Variants in DNTTIP1 observed in about 807,000 individuals in gnomAD.
DNTTIP1 encodes deoxynucleotidyltransferase terminal interacting protein 1, also known as deoxynucleotidyltransferase terminal-interacting protein 1.
DNTTIP1 carries 22 observed loss-of-function variants against 52.9 expected under a neutral mutation model. The observed-to-expected ratio is 0.42, with a 90% CI of 0.30 to 0.59. The LOEUF is 0.59. Among genes scored for constraint, DNTTIP1 ranks in the 20% least tolerant of loss-of-function variants. The pLI, the probability that DNTTIP1 is intolerant of heterozygous loss-of-function variation, is 0.22. For synonymous variants in DNTTIP1, 136 were observed against 155.1 expected (o/e 0.88, Z 0.92); for missense variants, 286 against 435.5 (o/e 0.66, Z 3.06).
intron 2 of DNTTIP1, among the ~76,000 whole-genome samples, chr20:45,793,428 G>A (rs1981111708): frequency 6.6e-6 from 1 of 152,084 alleles, no homozygotes; most frequent in South Asian, 2.1e-4. Context: ...GGCCGGGCGC[G>A]GTGGCTCACG....
At chr20:45,800,183 T>C (rs1981380207) in intron 4 of DNTTIP1, among the ~76,000 whole-genome samples, 1 of 151,988 alleles carries the variant, frequency 6.6e-6, no homozygotes, top group South Asian at 2.1e-4. Context: ...CTAATGTATT[T>C]AGTTTGAAAA....
chr20:45,800,410 A>G (rs1981388232), intron 4 of DNTTIP1, among the ~76,000 whole-genome samples: 1 of 151,808 alleles, frequency 6.6e-6, no homozygotes. Flanking sequence ...GTGGTGGCTC[A>G]TGCCTGTAAT....
rs754892774 is a variant in DNTTIP1, at chr20:45,801,152, ACTGTGTTCTCGGGT to A, written c.441+11_441+24del. On this transcript the variant is annotated intron_variant, in intron 5 of 12. Transcript: ENST00000372622. Reference sequence around the variant, plus strand: ...GCTTCCAGGAATAAAGGTCAGAGTCACTGTGTTCTCGGGTATTGGAGCGGGAGGTCCTTCAGGCT... The same window carrying A: ...GCTTCCAGGAATAAAGGTCAGAGTCAATTGGAGCGGGAGGTCCTTCAGGCT... 6.2e-7 allele frequency: 1 copy of A among 1,613,514 alleles called. No homozygotes were observed. The highest frequency in any genetic ancestry group is 1.3e-5 in the African/African-American group (1 of 75,014).
At position 45,801,463 on chromosome 20, in the gene DNTTIP1, A is replaced by T. The variant is rs1209397934; in HGVS notation, c.498+5A>T. 1 of 1,614,032 alleles carries T rather than the reference A, an allele frequency of 6.2e-7. No individual in the cohort carries two copies. Among genetic ancestry groups the T allele is most frequent in the Admixed American group, 1.7e-5 (1 of 60,020 alleles). ...GGAAGCCCCCTTCCTAAAAAGGTAA[A>T]CCATTTCCTTGTTTTGTTTTCTGGC... is the stretch of plus-strand genomic sequence containing the variant. On this transcript the variant is annotated splice_donor_5th_base_variant and intron_variant, in intron 6 of 12. Transcript: ENST00000372622.
At chr20:45,801,764 A>G (rs1981480947) in intron 6 of DNTTIP1, among the ~76,000 whole-genome samples, 1 of 152,218 alleles carries the variant, frequency 6.6e-6, no homozygotes, top group African/African-American at 2.4e-5. Flanking sequence ...CTCCAGGCTG[A>G]GTAACAGAGT....
chr20:45,801,068 C>T lies in DNTTIP1; in HGVS notation c.373-6C>T. ...GACTGGTAACACTTGGTCTTTTTCC[C>T]TTCAGGCTAAACTGCTCTTTTCAGA... On this transcript the variant is annotated splice_polypyrimidine_tract_variant and splice_region_variant and intron_variant, in intron 4 of 12. Transcript: ENST00000372622. 1 of 1,613,632 alleles carries T rather than the reference C, an allele frequency of 6.2e-7. No homozygotes were observed. Among genetic ancestry groups the T allele is most frequent in the East Asian group, 2.2e-5 (1 of 44,870 alleles).
Position 45,795,433 on chromosome 20 carries a change from G to T in DNTTIP1, c.362G>T (p.Cys121Phe). The T allele has an allele frequency of 6.2e-7, 1 of 1,604,988 alleles. No homozygotes were observed. Residue 121 changes from cysteine (C) to phenylalanine (F), a missense_variant, in exon 4 of 13, where the codon TGC (cysteine) becomes TTC (phenylalanine). Around this residue, in one of 2 missense-constraint regions of DNTTIP1, gnomAD observed 208 missense variants for 266.5 expected, o/e 0.78. Coordinates refer to ENST00000372622, the MANE Select transcript of DNTTIP1 (RefSeq NM_052951.3). ...EQLIQEACRS[C>F]LEQAKLLFSD... Reference sequence around the variant, plus strand: ...CTGATCCAGGAAGCCTGTCGGAGCTGCCTGGAGCAGGTGAGACCAAAGGGG... The same window carrying T: ...CTGATCCAGGAAGCCTGTCGGAGCTTCCTGGAGCAGGTGAGACCAAAGGGG...
chr20:45,792,276 G>A (rs181409048), intron 1 of DNTTIP1, among the ~76,000 whole-genome samples, 167 bp downstream of exon 1: 6 of 152,204 alleles, frequency 3.9e-5, no homozygotes, highest in African/African-American at 1.4e-4. Flanking sequence ...CTCCTAGCTA[G>A]GTGACGTGGG....
At chr20:45,796,762 CT>C (rs1981253305) in intron 4 of DNTTIP1, among the ~76,000 whole-genome samples, 1 of 152,184 alleles carries the variant, frequency 6.6e-6, no homozygotes, top group Non-Finnish European at 1.5e-5. Flanking sequence ...TGGAACCCCT[CT>C]TGTCGGGGTC....
Position 45,792,072 on chromosome 20 carries a change from TG to T in DNTTIP1, c.73del (p.Asp25MetfsTer16). 7.8e-7 allele frequency: 1 copy of T among 1,286,778 alleles called. No individual in the cohort carries two copies. The allele number at this position is 1,286,778 out of a possible 1,614,324, so 79.7% of individuals were successfully genotyped here. A position where few individuals can be genotyped will look rare whatever the true frequency, so the allele number is the denominator to read the frequency against. On this transcript the variant is annotated frameshift_variant, in exon 1 of 13. Transcript: ENST00000372622. LOFTEE classifies it high-confidence loss of function. ...GGGGCCGAGAGGGGCGGCTTGGAGC[TG>T]GGGGATGCGGGCGCAGCGGGGCAGC... ...PSGAERGGLE[L>X]GDAGAAGQLV...
chr20:45,809,079 C>A lies in DNTTIP1; in HGVS notation c.724-35C>A. The A allele has an allele frequency of 6.3e-7, 1 of 1,593,162 alleles. No homozygotes were observed. The highest frequency in any genetic ancestry group is 8.6e-7 in the Non-Finnish European group (1 of 1,161,206). On this transcript the variant is annotated intron_variant, in intron 10 of 12. Transcript: ENST00000372622. The surrounding 1 kb of genome is among the most constrained non-coding windows in gnomAD (Gnocchi z 4.2). ...GACCAAATGAGAAAAGCCCCTTACC[C>A]GAGGCTAATTTTCTTACAACTTCAT...
chr20:45,806,792 C>T (rs1981665385), intron 10 of DNTTIP1, among the ~76,000 whole-genome samples: 2 of 152,244 alleles, frequency 1.3e-5, no homozygotes, highest in East Asian at 1.9e-4. Flanking sequence ...CTCTTAATGT[C>T]GTCACTCTTG....
chr20:45,793,435 C>T (rs530514732), intron 2 of DNTTIP1, among the ~76,000 whole-genome samples: 4 of 152,298 alleles, frequency 2.6e-5, no homozygotes, highest in African/African-American at 4.8e-5. Context: ...CGCGGTGGCT[C>T]ACGCCTGTAA....
At position 45,811,166 on chromosome 20, in the gene DNTTIP1, C is replaced by T. The variant is rs201018163; in HGVS notation, c.961C>T (p.Arg321Cys). ...GACACTACGGACAGAGAATGAGCAT[C>T]GTGCTGTTGAAGCACCTCCACAGAC... ...METLRTENEH[R>C]AVEAPPQT is the part of the protein sequence containing the mutation. The change falls in exon 13 of 13, where the codon CGT (arginine) becomes TGT (cysteine). Residue 321 changes from arginine to cysteine, a missense_variant. Around this residue, in one of 2 missense-constraint regions of DNTTIP1, gnomAD observed 78 missense variants for 169.0 expected, o/e 0.46. Coordinates refer to ENST00000372622, the MANE Select transcript of DNTTIP1 (RefSeq NM_052951.3). 1.1e-5 allele frequency: 17 copies of T among 1,613,432 alleles called. No individual in the cohort carries two copies. Among genetic ancestry groups the T allele is most frequent in the Admixed American group, 1.0e-4 (6 of 59,960 alleles).
At position 45,793,699 on chromosome 20, in the gene DNTTIP1, CA is replaced by C. The variant is rs890608984; in HGVS notation, c.177-211del. ...TGGGCAACAGAGTGAGACTCCGTCT[CA>C]AAAAAAAAAACTTTGAAAATAATAT... On this transcript the variant is annotated intron_variant, in intron 2 of 12. Transcript: ENST00000372622. Among the ~76,000 whole-genome samples, 361 of 141,510 alleles carry C rather than the reference CA, an allele frequency of 2.6e-3. 1 individual carries two copies. The highest frequency in any genetic ancestry group is 4.1e-3 in the Non-Finnish European group (266 of 64,766). 92.8% of individuals were successfully genotyped at this position (141,510 alleles called of 152,430 possible).
intron 4 of DNTTIP1, among the ~76,000 whole-genome samples, chr20:45,798,948 G>A (rs1270738574): frequency 1.3e-5 from 2 of 152,182 alleles, no homozygotes; most frequent in East Asian, 3.8e-4. Context: ...AAGCAGACAG[G>A]TGTGAATTAG....
intron 8 of DNTTIP1, among the ~76,000 whole-genome samples, chr20:45,804,520 T>A (rs1023274665): frequency 6.6e-6 from 1 of 152,214 alleles, no homozygotes; most frequent in African/African-American, 2.4e-5. Flanking sequence ...ACTCCCTGTT[T>A]AGAGGCCTTC....
At chr20:45,803,072 C>G in intron 7 of DNTTIP1, 1 of 450,326 alleles carries the variant, frequency 2.2e-6, no homozygotes. Context: ...CTGTTTTTGT[C>G]TCTTTTGACA....
At chr20:45,792,212 AGGG>A in intron 1 of DNTTIP1, 103 bp downstream of exon 1, 1 of 706,238 alleles carries the variant, frequency 1.4e-6, no homozygotes, top group African/African-American at 1.8e-5. Context: ...GGAGCTGCAG[AGGG>A]GGTTGGCGTT....
Sources: allele counts gnomAD v4.1 joint callset (sites outside exome capture counted in the v4.1 genomes callset), GRCh38; gene constraint gnomAD v4.1.1; regional missense constraint gnomAD v4.1.1; non-coding constraint Gnocchi (gnomAD v3.1); transcripts MANE v1.5; gene names NCBI Gene and HGNC (gene_info 2026-07-23, HGNC 2026-07-21).